The following VRK2 variants were observed in gnomAD, a reference collection of about 807,000 sequenced individuals.
VRK2 encodes VRK serine/threonine kinase 2, also known as serine/threonine-protein kinase VRK2.
VRK2 carries 60 observed loss-of-function variants against 57.6 expected under a neutral mutation model. The observed-to-expected ratio is 1.04, with a 90% confidence interval of 0.85 to 1.29. The LOEUF (loss-of-function observed/expected upper bound fraction) is 1.29, where lower values mean the gene tolerates loss of function less well. Among genes scored for constraint, VRK2 ranks in the 50% most tolerant of loss-of-function variants. The pLI is 0.00. For synonymous variants in VRK2, 231 were observed against 199.2 expected, an observed-to-expected ratio of 1.16 and a Z score of -1.35; for missense variants, 705 against 588.1, an observed-to-expected ratio of 1.20 and a Z score of -2.06.
intron 2 of VRK2, among the ~76,000 whole-genome samples, chr2:58,056,432 C>A (rs1422575157): frequency 6.6e-6 from 1 of 152,168 alleles, no homozygotes; most frequent in Admixed American, 6.5e-5. Context: ...AAACACAATT[C>A]ATCCAGAAGC....
intron 1 of VRK2, among the ~76,000 whole-genome samples, chr2:57,994,750 TG>T (rs1282596900): frequency 1.0e-4 from 15 of 148,006 alleles, no homozygotes; most frequent in African/African-American, 3.5e-4. Flanking sequence ...AAATTAAACC[TG>T]AAAAAAAAAC....
chr2:58,017,067 G>T (rs1303199279), intron 1 of VRK2, among the ~76,000 whole-genome samples: 2 of 152,120 alleles, frequency 1.3e-5, no homozygotes, highest in African/African-American at 4.8e-5. Flanking sequence ...AAATCTGGGA[G>T]TCCCAAGTGG....
intron 1 of VRK2, among the ~76,000 whole-genome samples, chr2:57,993,153 T>A (rs1672821755): frequency 6.6e-6 from 1 of 152,220 alleles, no homozygotes; most frequent in Non-Finnish European, 1.5e-5. Flanking sequence ...AGACATTTCC[T>A]GGGAAGGTTA....
chr2:57,971,681 T>A (rs756606465), intron 1 of VRK2, among the ~76,000 whole-genome samples: 28 of 152,030 alleles, frequency 1.8e-4, no homozygotes, highest in Non-Finnish European at 4.0e-4. Context: ...AGTATCCATT[T>A]ATAATTAATG....
intron 1 of VRK2, among the ~76,000 whole-genome samples, chr2:57,909,225 A>G (rs1021103674): frequency 1.6e-4 from 25 of 152,328 alleles, no homozygotes; most frequent in African/African-American, 5.8e-4. Context: ...CTTTGTATAA[A>G]GTAAAAATAT....
At chr2:57,951,354 C>T (rs574773651) in intron 1 of VRK2, among the ~76,000 whole-genome samples, 29 of 152,178 alleles carry the variant, frequency 1.9e-4, no homozygotes, top group Middle Eastern at 3.4e-3. Flanking sequence ...TTCATGCAGA[C>T]GAGCAAAGAA....
chr2:58,115,739 GGATGAAAT>G (rs201120015), intron 7 of VRK2, among the ~76,000 whole-genome samples: 3,853 of 152,268 alleles, frequency 0.025, 158 homozygotes, highest in African/African-American at 0.088. Flanking sequence ...TAACAGATGA[GGATGAAAT>G]TTGGGCTTGA....
chr2:58,003,819 C>G (rs1558535565), intron 1 of VRK2, among the ~76,000 whole-genome samples: 1 of 152,114 alleles, frequency 6.6e-6, no homozygotes, highest in Non-Finnish European at 1.5e-5. Context: ...TTTTCTCACA[C>G]AAAATTATGT....
At chr2:57,981,113 T>C (rs1375959190) in intron 1 of VRK2, among the ~76,000 whole-genome samples, 1 of 152,190 alleles carries the variant, frequency 6.6e-6, no homozygotes, top group East Asian at 1.9e-4. Flanking sequence ...TTTGATTGTA[T>C]AGTTGCTTTA....
chr2:58,058,362 C>T (rs1053618093), intron 2 of VRK2: 8 of 470,528 alleles, frequency 1.7e-5, no homozygotes, highest in Non-Finnish European at 3.1e-5. Flanking sequence ...AGACACTGGC[C>T]ATTTTTCTCT....
At chr2:57,977,896 A>G (rs1352068766) in intron 1 of VRK2, among the ~76,000 whole-genome samples, 1 of 151,000 alleles carries the variant, frequency 6.6e-6, no homozygotes, top group Non-Finnish European at 1.5e-5. Context: ...TGTCCCTTCA[A>G]TGACTAGTTT....
At chr2:58,122,425 A>G (rs890364743) in intron 7 of VRK2, among the ~76,000 whole-genome samples, 4 of 152,238 alleles carry the variant, frequency 2.6e-5, no homozygotes, top group African/African-American at 9.6e-5. Flanking sequence ...AGTTACATGT[A>G]TTATACATAC....
intron 1 of VRK2, among the ~76,000 whole-genome samples, chr2:57,958,468 T>TACAC (rs749343062): frequency 6.6e-6 from 1 of 151,548 alleles, no homozygotes; most frequent in Non-Finnish European, 1.5e-5. Context: ...TACATGTATA[T>TACAC]ATACACACAC....
intron 1 of VRK2, among the ~76,000 whole-genome samples, chr2:58,013,375 G>T (rs1428139727): frequency 1.3e-5 from 2 of 152,166 alleles, no homozygotes; most frequent in East Asian, 3.8e-4. Context: ...AGAATATCCA[G>T]CTTTGTATAA....
intron 1 of VRK2, among the ~76,000 whole-genome samples, chr2:58,014,129 T>C (rs563461229): frequency 6.6e-6 from 1 of 152,318 alleles, no homozygotes; most frequent in East Asian, 1.9e-4. Flanking sequence ...GATTCATTTT[T>C]ATCAGTTTTA....
At chr2:58,128,369 T>C (rs760625502) in intron 8 of VRK2, among the ~76,000 whole-genome samples, 1 of 152,118 alleles carries the variant, frequency 6.6e-6, no homozygotes, top group African/African-American at 2.4e-5. Flanking sequence ...TCTCGCTCTG[T>C]TGTCCAGGCT....
chr2:58,084,374 C>A (rs1331398828), intron 3 of VRK2, among the ~76,000 whole-genome samples: 1 of 151,652 alleles, frequency 6.6e-6, no homozygotes, highest in African/African-American at 2.4e-5. Context: ...CTCCCAAATG[C>A]CCTCCCACCC....
rs1402824326 is a variant in VRK2 at position 58,137,916 on chromosome 2, ACGC to A, written c.857-1749_857-1747del. ...AAACCAGTATTACATCACAATATCT[ACGC>A]TTCAGGTTTGTAATAATAAATTTAT... On this transcript the variant is annotated intron_variant, in intron 10 of 12. Transcript: ENST00000340157. Among the ~76,000 whole-genome samples the A allele has an allele frequency of 6.1e-4, 93 of 152,324 alleles. 1 individual carries two copies. The East Asian group carries it at 0.017, about 27-fold the overall frequency.
At chr2:58,013,858 C>CAAAAAAAAA (rs60604486) in intron 1 of VRK2, among the ~76,000 whole-genome samples, 1 of 62,802 alleles carries the variant, frequency 1.6e-5, no homozygotes, top group African/African-American at 5.4e-5. Flanking sequence ...GACTCCGTCT[C>CAAAAAAAAA]AAAAAAAAAA....
Sources: gnomAD v4.1 joint callset for allele counts (sites outside exome capture counted in the v4.1 genomes callset) on GRCh38, gnomAD v4.1.1 for gene constraint, MANE v1.5 for transcripts, NCBI Gene and HGNC (gene_info 2026-07-23, HGNC 2026-07-21) for gene names.